RNASE4: variants seen among roughly 807,000 people sequenced by gnomAD.
RNASE4 encodes ribonuclease 4.
For synonymous variants in RNASE4, 93 were observed against 71.4 expected, an observed-to-expected ratio of 1.30 and a Z score of -1.52; for missense variants, 194 against 192.8, an observed-to-expected ratio of 1.01 and a Z score of -0.04.
chr14:20,689,945 G>T (rs1273842470), intron 1 of RNASE4, among the ~76,000 whole-genome samples: 4 of 149,712 alleles, frequency 2.7e-5, no homozygotes, highest in African/African-American at 9.8e-5. Context: ...GCCGGGCGCG[G>T]TGGCTCACGC....
At chr14:20,687,234 A>G (rs8004382) in intron 1 of RNASE4, among the ~76,000 whole-genome samples, 83,116 of 152,102 alleles carry the variant, frequency 0.55, 22,794 homozygotes, top group African/African-American at 0.61. Context: ...CCTACTTTTC[A>G]TTTCAACAAA....
chr14:20,693,255 TGA>T (rs1259513816), intron 1 of RNASE4, among the ~76,000 whole-genome samples: 2 of 151,976 alleles, frequency 1.3e-5, no homozygotes, highest in East Asian at 3.9e-4. Flanking sequence ...AATTAAAGAG[TGA>T]GAGTGGATTT....
chr14:20,699,874 A>AG lies in RNASE4; in HGVS notation c.*60dup. ...ACCTTACACTTACTCCTTAAATAGCAGTGAGTAATGCATTTGAGCTGTCCC... is the reference window on the plus strand; with the variant it reads ...ACCTTACACTTACTCCTTAAATAGCAGGTGAGTAATGCATTTGAGCTGTCCC... On this transcript the variant is annotated 3_prime_UTR_variant, in exon 2 of 2. Transcript: ENST00000555835. The AG allele has an allele frequency of 1.4e-6, 2 of 1,458,332 alleles. No individual in the cohort carries two copies. The highest frequency in any genetic ancestry group is 1.9e-6 in the Non-Finnish European group (2 of 1,049,040). The allele number at this position is 1,458,332 out of a possible 1,614,324, so 90.3% of individuals were successfully genotyped here. A position where few individuals can be genotyped will look rare whatever the true frequency, so the allele number is the denominator to read the frequency against.
At chr14:20,697,278 C>G (rs1887124422) in intron 1 of RNASE4, among the ~76,000 whole-genome samples, 1 of 152,146 alleles carries the variant, frequency 6.6e-6, no homozygotes, top group Non-Finnish European at 1.5e-5. Flanking sequence ...ACTCGAGGTG[C>G]CACCGGAAGA....
intron 1 of RNASE4, chr14:20,688,519 C>A (rs1886534011): frequency 5.9e-6 from 1 of 170,282 alleles, no homozygotes; most frequent in Non-Finnish European, 1.2e-5. Context: ...TCAGTCCTGC[C>A]ATGAACAAGA....
At chr14:20,692,917 G>A (rs908384600) in intron 1 of RNASE4, among the ~76,000 whole-genome samples, 1 of 151,962 alleles carries the variant, frequency 6.6e-6, no homozygotes, top group African/African-American at 2.4e-5. Context: ...GCGCGATCTC[G>A]GCTCACTGCA....
rs1477618269 is a variant in RNASE4, at chr14:20,684,687, G to A, written c.-89G>A. The A allele has an allele frequency of 6.6e-6, 1 of 152,318 alleles. No individual in the cohort carries two copies. Among genetic ancestry groups the A allele is most frequent in the Non-Finnish European group, 1.5e-5 (1 of 68,110 alleles). The allele number at this position is 152,318 out of a possible 1,614,324, so 9.4% of individuals were successfully genotyped here. On this transcript the variant is annotated 5_prime_UTR_variant, in exon 1 of 2. Coordinates refer to ENST00000555835, the MANE Select transcript of RNASE4 (RefSeq NM_002937.5). ...GGCTCCCCATCATCGTACTAGGGAG[G>A]AAGAAGCGGGTGAGAAACAAAACTT...
At chr14:20,690,184 C>T (rs1284767230) in intron 1 of RNASE4, among the ~76,000 whole-genome samples, 3 of 135,042 alleles carry the variant, frequency 2.2e-5, no homozygotes, top group Non-Finnish European at 4.6e-5. Context: ...CACTGCAGTC[C>T]GCAGTCCGGC....
chr14:20,698,076 A>T (rs1887151716), intron 1 of RNASE4, among the ~76,000 whole-genome samples: 1 of 152,204 alleles, frequency 6.6e-6, no homozygotes, highest in Admixed American at 6.5e-5. Flanking sequence ...TGGAAAGAGC[A>T]CAGGGTGTAG....
rs934505594 is a variant in RNASE4, at chr14:20,687,784, G to C, written c.-18+3026G>C. Among the ~76,000 whole-genome samples the C allele has an allele frequency of 1.3e-5, 2 of 152,316 alleles. 1 individual carries two copies. Among genetic ancestry groups the C allele is most frequent in the South Asian group, 4.1e-4 (2 of 4,826 alleles). ...AATTATTGTGATTTCAAGTGCATTTGTTTTACTAGCAGGCAGCCTGTCTTT... is the reference window on the plus strand; with the variant it reads ...AATTATTGTGATTTCAAGTGCATTTCTTTTACTAGCAGGCAGCCTGTCTTT... On this transcript the variant is annotated intron_variant, in intron 1 of 1. Transcript: ENST00000555835.
intron 1 of RNASE4, among the ~76,000 whole-genome samples, chr14:20,692,441 G>T (rs925865822): frequency 1.3e-5 from 2 of 152,194 alleles, no homozygotes; most frequent in African/African-American, 2.4e-5. Flanking sequence ...CTGGGCTCAG[G>T]GTTCCCTAGA....
At chr14:20,693,147 G>C (rs1886886539) in intron 1 of RNASE4, among the ~76,000 whole-genome samples, 1 of 152,100 alleles carries the variant, frequency 6.6e-6, no homozygotes, top group Non-Finnish European at 1.5e-5. Flanking sequence ...GCGCCCGGCC[G>C]TCATTTGGTA....
intron 1 of RNASE4, among the ~76,000 whole-genome samples, chr14:20,687,595 AG>A (rs1274423419): frequency 6.6e-6 from 1 of 152,170 alleles, no homozygotes; most frequent in African/African-American, 2.4e-5. Flanking sequence ...TTGCTTATGA[AG>A]GGTTCAAAGT....
At chr14:20,692,254 A>G (rs1280193406) in intron 1 of RNASE4, among the ~76,000 whole-genome samples, 1 of 152,270 alleles carries the variant, frequency 6.6e-6, no homozygotes, top group Non-Finnish European at 1.5e-5. Flanking sequence ...CCAAGAAATC[A>G]TAGCCAGTCA....
chr14:20,696,930 A>G (rs1406123137), intron 1 of RNASE4, among the ~76,000 whole-genome samples: 1 of 152,208 alleles, frequency 6.6e-6, no homozygotes, highest in Non-Finnish European at 1.5e-5. Flanking sequence ...CTTTTAGACC[A>G]CGGTGTCAAA....
intron 1 of RNASE4, among the ~76,000 whole-genome samples, chr14:20,686,086 G>C (rs1269007181): frequency 2.6e-5 from 4 of 151,552 alleles, no homozygotes; most frequent in Non-Finnish European, 5.9e-5. Flanking sequence ...AAAGCTTCCA[G>C]GCCGGCGAAT....
chr14:20,689,323 CA>C (rs1298903582), intron 1 of RNASE4, among the ~76,000 whole-genome samples: 1 of 152,144 alleles, frequency 6.6e-6, no homozygotes, highest in Non-Finnish European at 1.5e-5. Context: ...ATCCCAAGAT[CA>C]AAAGAAGGCT....
Position 20,699,730 on chromosome 14 carries a change from G to C in RNASE4, c.359G>C (p.Cys120Ser), listed in dbSNP as rs566869173. Residue 120 changes from cysteine to serine, a missense_variant, in exon 2 of 2, where the codon TGC (cysteine) becomes TCC (serine). Cys to Ser is a moderately radical substitution (Grantham distance 112). Coordinates refer to ENST00000555835, the MANE Select transcript of RNASE4 (RefSeq NM_002937.5). The stretch of plus-strand genomic sequence containing the variant: ...ACAGGAAGTTCCAGGGCACCCAACT[G>C]CAGATATCGGGCCATAGCGAGCACT... ...RDTGSSRAPNCRYRAIASTRR... is the reference protein window; with the variant it reads ...RDTGSSRAPNSRYRAIASTRR... 6 of 1,610,714 alleles carry C rather than the reference G, an allele frequency of 3.7e-6. No homozygotes were observed. The African/African-American group carries it at 8.0e-5, about 21-fold the overall frequency.
chr14:20,690,622 T>C (rs1886697257), intron 1 of RNASE4, among the ~76,000 whole-genome samples: 1 of 152,200 alleles, frequency 6.6e-6, no homozygotes, highest in African/African-American at 2.4e-5. Flanking sequence ...AAAATTTGTC[T>C]CTGTAACTGA....
Sources: allele counts gnomAD v4.1 joint callset (sites outside exome capture counted in the v4.1 genomes callset), GRCh38; gene constraint gnomAD v4.1.1; transcripts MANE v1.5; gene names NCBI Gene and HGNC (gene_info 2026-07-23, HGNC 2026-07-21).